GPR158: variants seen among roughly 807,000 people sequenced by gnomAD.
GPR158 encodes G protein-coupled receptor 158, also known as metabotropic glycine receptor.
GPR158 carries 30 observed loss-of-function variants against 78.2 expected under a neutral mutation model. The observed-to-expected ratio is 0.38, with a 90% CI of 0.29 to 0.52. The LOEUF is 0.52. Among genes scored for constraint, GPR158 ranks in the 20% least tolerant of loss-of-function variants. The probability of loss-of-function intolerance (pLI) is 0.83; values close to 1 mark genes in which losing one functional copy is unlikely to be tolerated. For missense variants in GPR158, 1,463 were observed against 1,523.5 expected (o/e 0.96, Z 0.66); for synonymous variants, 581 against 591.1 (o/e 0.98, Z 0.25).
At chr10:25,329,627 T>C (rs1855090343) in intron 2 of GPR158, among the ~76,000 whole-genome samples, 1 of 151,864 alleles carries the variant, frequency 6.6e-6, no homozygotes, top group South Asian at 2.1e-4. Flanking sequence ...GATTGAATAA[T>C]TTATTATTCC....
At chr10:25,526,861 G>A (rs1462326959) in intron 5 of GPR158, among the ~76,000 whole-genome samples, 1 of 152,122 alleles carries the variant, frequency 6.6e-6, no homozygotes, top group Non-Finnish European at 1.5e-5. Flanking sequence ...TCACAGGCTG[G>A]GAAGCAATTG....
At chr10:25,576,145 C>A (rs1465161006) in intron 7 of GPR158, among the ~76,000 whole-genome samples, 2 of 151,964 alleles carry the variant, frequency 1.3e-5, no homozygotes, top group Non-Finnish European at 2.9e-5. Flanking sequence ...TTTTATTGCA[C>A]CTGTCACCCA....
At chr10:25,556,920 G>C (rs1285550311) in intron 6 of GPR158, among the ~76,000 whole-genome samples, 1 of 152,130 alleles carries the variant, frequency 6.6e-6, no homozygotes, top group Non-Finnish European at 1.5e-5. Context: ...TTTGTAAGTG[G>C]CTTGACTTGA....
At chr10:25,376,514 C>T (rs1834081870) in intron 2 of GPR158, among the ~76,000 whole-genome samples, 2 of 151,592 alleles carry the variant, frequency 1.3e-5, no homozygotes, top group Non-Finnish European at 3.0e-5. Context: ...GGTATCCTTA[C>T]TATACGTAAT....
intron 2 of GPR158, among the ~76,000 whole-genome samples, chr10:25,367,098 T>G (rs542314941): frequency 6.6e-6 from 1 of 151,682 alleles, no homozygotes; most frequent in South Asian, 2.1e-4. Context: ...TTTTTCTTCT[T>G]TGTTATATGT....
In GPR158 at chr10:25,311,732, T is replaced by A. The variant is rs1424542536; in HGVS notation, c.1009-84179T>A. Among the ~76,000 whole-genome samples, 81 of 152,050 alleles carry A rather than the reference T, an allele frequency of 5.3e-4. 2 individuals are homozygous for A. The highest frequency in any genetic ancestry group is 5.3e-3 in the Admixed American group (81 of 15,264). Reference sequence around the variant, plus strand: ...TTTTTGATTATGTGAGGTATACCTATTAATCTTTAGCTTATTAGAAATTAA... The same window carrying A: ...TTTTTGATTATGTGAGGTATACCTAATAATCTTTAGCTTATTAGAAATTAA... On this transcript the variant is annotated intron_variant, in intron 2 of 10. Coordinates refer to ENST00000376351, the MANE Select transcript of GPR158 (RefSeq NM_020752.3).
intron 3 of GPR158, among the ~76,000 whole-genome samples, chr10:25,398,506 C>A (rs142289218): frequency 6.6e-6 from 1 of 152,322 alleles, no homozygotes; most frequent in African/African-American, 2.4e-5. Context: ...TCAGCTCCCA[C>A]TATGTGACTG....
intron 2 of GPR158, among the ~76,000 whole-genome samples, chr10:25,231,498 G>T (rs903126827): frequency 1.3e-5 from 2 of 152,166 alleles, no homozygotes; most frequent in Non-Finnish European, 2.9e-5. Flanking sequence ...TACAATCTAT[G>T]TCACTGGATT....
chr10:25,433,521 T>C (rs1447842079), intron 4 of GPR158, among the ~76,000 whole-genome samples: 1 of 80,976 alleles, frequency 1.2e-5, no homozygotes, highest in Non-Finnish European at 3.1e-5. Context: ...AAGGAAATGG[T>C]TTAGTTAGGG....
chr10:25,535,788 T>C (rs572034189), intron 5 of GPR158, among the ~76,000 whole-genome samples: 3 of 152,362 alleles, frequency 2.0e-5, no homozygotes, highest in South Asian at 4.1e-4. Flanking sequence ...TTTCCTCTTC[T>C]CTCTATACCC....
chr10:25,234,898 T>G (rs1275622216), intron 2 of GPR158, among the ~76,000 whole-genome samples: 1 of 152,240 alleles, frequency 6.6e-6, no homozygotes, highest in East Asian at 1.9e-4. Context: ...CATCAAGATA[T>G]TCTTAGGACC....
intron 5 of GPR158, among the ~76,000 whole-genome samples, chr10:25,497,118 T>C (rs979873844): frequency 1.3e-5 from 2 of 152,022 alleles, no homozygotes; most frequent in African/African-American, 2.4e-5. Flanking sequence ...AAGAACTGAG[T>C]GAGAAAGCCA....
chr10:25,218,132 C>G (rs1853245991), intron 1 of GPR158, among the ~76,000 whole-genome samples: 1 of 151,712 alleles, frequency 6.6e-6, no homozygotes, highest in Non-Finnish European at 1.5e-5. Flanking sequence ...CTGTTATATC[C>G]CCCAAACCTC....
chr10:25,287,043 T>C (rs1424277282), intron 2 of GPR158, among the ~76,000 whole-genome samples: 1 of 152,140 alleles, frequency 6.6e-6, no homozygotes, highest in Admixed American at 6.5e-5. Context: ...ATTATAGTTC[T>C]AATTAAGCAT....
chr10:25,257,367 A>T (rs1043516965), intron 2 of GPR158, among the ~76,000 whole-genome samples: 1 of 152,234 alleles, frequency 6.6e-6, no homozygotes, highest in African/African-American at 2.4e-5. Flanking sequence ...GGACATACTC[A>T]AACCATAGGA....
chr10:25,531,614 T>A (rs1836423320), intron 5 of GPR158, among the ~76,000 whole-genome samples: 1 of 132,320 alleles, frequency 7.6e-6, no homozygotes, highest in Admixed American at 7.8e-5. Flanking sequence ...GGCTCCCTCG[T>A]CATAGGATTT....
In GPR158 at chr10:25,175,183, G is replaced by C; in HGVS notation, c.-238G>C. On this transcript the variant is annotated 5_prime_UTR_variant, in exon 1 of 11. Transcript: ENST00000376351. This position sits in a 1 kb window ranked among gnomAD's most constrained non-coding sequence, Gnocchi z 6.4. ...GCTGCGAGGTGCGTAATCCCCAGCCGGCCCCTCGCGCAGCGGGCACGGCCA... is the reference window on the plus strand; with the variant it reads ...GCTGCGAGGTGCGTAATCCCCAGCCCGCCCCTCGCGCAGCGGGCACGGCCA... 1 of 455,566 alleles carries C rather than the reference G, an allele frequency of 2.2e-6. No homozygotes were observed. Among genetic ancestry groups the C allele is most frequent in the Non-Finnish European group, 3.9e-6 (1 of 257,512 alleles). The allele number at this position is 455,566 out of a possible 1,614,324, so 28.2% of individuals were successfully genotyped here. A position where few individuals can be genotyped will look rare whatever the true frequency, so the allele number is the denominator to read the frequency against.
At chr10:25,314,428 G>A (rs1418476347) in intron 2 of GPR158, among the ~76,000 whole-genome samples, 1 of 152,062 alleles carries the variant, frequency 6.6e-6, no homozygotes, top group East Asian at 1.9e-4. Context: ...ATAAAGATTT[G>A]CATCTATGCC....
At chr10:25,477,420 A>G (rs1020735517) in intron 5 of GPR158, among the ~76,000 whole-genome samples, 8 of 152,214 alleles carry the variant, frequency 5.3e-5, no homozygotes, top group African/African-American at 1.7e-4. Flanking sequence ...GCACTTTCCT[A>G]TGTTCTAATG....
Sources: gnomAD v4.1 joint callset for allele counts (sites outside exome capture counted in the v4.1 genomes callset) on GRCh38, gnomAD v4.1.1 for gene constraint, Gnocchi (gnomAD v3.1) non-coding constraint, MANE v1.5 for transcripts, NCBI Gene and HGNC (gene_info 2026-07-23, HGNC 2026-07-21) for gene names.